The following NIPAL1 variants were observed in gnomAD, a reference collection of about 807,000 sequenced individuals.
NIPAL1 encodes magnesium transporter NIPA3.
A neutral mutation model predicts 37.7 loss-of-function variants in NIPAL1; 35 were observed. The ratio of observed to expected loss-of-function variants is 0.93; its 90% CI spans 0.71 to 1.23. NIPAL1 has a LOEUF of 1.23. NIPAL1 is among the 50% of genes most tolerant of loss of function. The pLI, the probability that NIPAL1 is intolerant of heterozygous loss-of-function variation, is 0.00. For missense variants in NIPAL1, 412 were observed against 473.9 expected, an observed-to-expected ratio of 0.87 and a Z score of 1.21; for synonymous variants, 162 against 183.0, an observed-to-expected ratio of 0.89 and a Z score of 0.93.
chr4:48,029,456 G>C (rs1304548268), intron 2 of NIPAL1, among the ~76,000 whole-genome samples: 1 of 152,086 alleles, frequency 6.6e-6, no homozygotes, highest in Non-Finnish European at 1.5e-5. Context: ...AGCAGGTGAG[G>C]GATGAAATAC....
chr4:48,019,306 C>A (rs2109364586), intron 1 of NIPAL1, among the ~76,000 whole-genome samples: 1 of 152,340 alleles, frequency 6.6e-6, no homozygotes, highest in East Asian at 1.9e-4. Flanking sequence ...AGCCATCCCC[C>A]ACCCCACATT....
At chr4:48,023,474 G>C (rs1715620606) in intron 1 of NIPAL1, among the ~76,000 whole-genome samples, 1 of 152,022 alleles carries the variant, frequency 6.6e-6, no homozygotes. Flanking sequence ...TAAGATTTTT[G>C]AAATGTAAAA....
At chr4:48,033,119 A>T (rs759818086) in intron 4 of NIPAL1, 36 bp downstream of exon 4, 9 of 1,280,356 alleles carry the variant, frequency 7.0e-6, no homozygotes, top group Non-Finnish European at 1.0e-5. Flanking sequence ...TTCTGTAGGT[A>T]TTTTAAGACC....
chr4:48,037,284 A>G lies in NIPAL1; in HGVS notation c.*1112A>G. 1 of 437,728 alleles carries G rather than the reference A, an allele frequency of 2.3e-6. No homozygotes were observed. The highest frequency in any genetic ancestry group is 1.6e-5 in the South Asian group (1 of 60,770). The allele number at this position is 437,728 out of a possible 1,614,324, so 27.1% of individuals were successfully genotyped here. Reference sequence around the variant, plus strand: ...ACACGTGATTGTTTTCACAGGTTCCATTAATTAACTCAGGTCTGGAAGACA... The same window carrying G: ...ACACGTGATTGTTTTCACAGGTTCCGTTAATTAACTCAGGTCTGGAAGACA... On this transcript the variant is annotated 3_prime_UTR_variant, in exon 6 of 6. Coordinates refer to ENST00000295461, the MANE Select transcript of NIPAL1 (RefSeq NM_207330.3).
Position 48,025,313 on chromosome 4 carries a change from AGC to A in NIPAL1, c.293_294del (p.Ser98LysfsTer5), listed in dbSNP as rs777394195. The A allele has an allele frequency of 1.9e-6, 3 of 1,614,148 alleles. No individual in the cohort carries two copies. The highest frequency in any genetic ancestry group is 2.5e-6 in the Non-Finnish European group (3 of 1,180,030). ...AAAGAAGGGCCTCTTGCAACTGGCC[AGC>A]AAGGGCTTTACTAGAGCTGGTAAGA... is the stretch of plus-strand genomic sequence containing the variant. ...LKKKGLLQLASKGFTRAGQGG... is the reference protein window; with the variant it reads ...LKKKGLLQLAXKGFTRAGQGG... On this transcript the variant is annotated frameshift_variant, in exon 2 of 6. Transcript: ENST00000295461. LOFTEE classifies it high-confidence loss of function.
intron 2 of NIPAL1, among the ~76,000 whole-genome samples, chr4:48,026,081 T>C (rs1004852034): frequency 6.6e-6 from 1 of 151,872 alleles, no homozygotes; most frequent in Admixed American, 6.6e-5. Flanking sequence ...TCCCTCACCG[T>C]ACCTAGGATA....
At position 48,035,852 on chromosome 4, in the gene NIPAL1, C is replaced by A; in HGVS notation, c.913C>A (p.Leu305Ile). The change falls in exon 6 of 6, where the codon CTT (leucine) becomes ATT (isoleucine). Residue 305 changes from leucine to isoleucine, a missense_variant. Physicochemically the swap from Leu to Ile is conservative, Grantham distance 5. Coordinates refer to ENST00000295461, the MANE Select transcript of NIPAL1 (RefSeq NM_207330.3). ...NKALDTFNTS[L>I]VTPIYYVFFT... is the part of the protein sequence containing the mutation. ...GGCACTGGACACCTTTAATACCTCT[C>A]TTGTGACACCCATTTATTATGTATT... The A allele has an allele frequency of 6.2e-7, 1 of 1,614,070 alleles. No individual in the cohort carries two copies. The highest frequency in any genetic ancestry group is 8.5e-7 in the Non-Finnish European group (1 of 1,179,918).
intron 2 of NIPAL1, among the ~76,000 whole-genome samples, chr4:48,029,029 A>G (rs1715760277): frequency 6.6e-6 from 1 of 152,202 alleles, no homozygotes; most frequent in Non-Finnish European, 1.5e-5. Context: ...AGAACTAAAA[A>G]TAGAACTGCC....
At position 48,034,968 on chromosome 4, in the gene NIPAL1, G is replaced by T. The variant is rs1715894530; in HGVS notation, c.549G>T (p.Val183=). ...TATTAAGTATATTGGGGTCAACTGT[G>T]ATGGTTATCCATGCCCCACAAGAAG... is the stretch of plus-strand genomic sequence containing the variant. ...GCILSILGST[V]MVIHAPQEEE... The change falls in exon 5 of 6, where the codon GTG becomes GTT. Residue 183 remains valine, a synonymous_variant. Coordinates refer to ENST00000295461, the MANE Select transcript of NIPAL1 (RefSeq NM_207330.3). 2 of 1,613,218 alleles carry T rather than the reference G, an allele frequency of 1.2e-6. No homozygotes were observed. Among genetic ancestry groups the T allele is most frequent in the Non-Finnish European group, 1.7e-6 (2 of 1,179,138 alleles).
At chr4:48,032,034 C>T (rs544156417) in intron 3 of NIPAL1, among the ~76,000 whole-genome samples, 1 of 152,248 alleles carries the variant, frequency 6.6e-6, no homozygotes, top group Non-Finnish European at 1.5e-5. Flanking sequence ...TCACCATGCC[C>T]GGCCTTGCCG....
intron 2 of NIPAL1, 59 bp from the exon 3 acceptor site, chr4:48,030,061 T>C: frequency 9.9e-7 from 1 of 1,008,268 alleles, no homozygotes; most frequent in Non-Finnish European, 1.6e-6. Flanking sequence ...AGTTAATTCT[T>C]CAAACCTTCC....
At chr4:48,020,860 G>A (rs555689873) in intron 1 of NIPAL1, among the ~76,000 whole-genome samples, 10 of 152,068 alleles carry the variant, frequency 6.6e-5, no homozygotes, top group South Asian at 4.2e-4. Context: ...AATATCTTGC[G>A]GTGATTAAAA....
chr4:48,017,744 G>A (rs950244979), intron 1 of NIPAL1, among the ~76,000 whole-genome samples: 1 of 152,114 alleles, frequency 6.6e-6, no homozygotes, highest in South Asian at 2.1e-4. Flanking sequence ...GGTTTTCGCC[G>A]TACCAAGGGG....
chr4:48,031,010 A>G lies in NIPAL1; in HGVS notation c.370+834A>G, dbSNP rs541151763. Among the ~76,000 whole-genome samples, 99 of 152,258 alleles carry G rather than the reference A, an allele frequency of 6.5e-4. 1 individual carries two copies. The South Asian group carries it at 0.012, about 19-fold the overall frequency. ...GATGATTAATAAAGAGAATTTAAATATGTATAGCCCCTTCAGTTCTTGTTT... is the reference window on the plus strand; with the variant it reads ...GATGATTAATAAAGAGAATTTAAATGTGTATAGCCCCTTCAGTTCTTGTTT... On this transcript the variant is annotated intron_variant, in intron 3 of 5. Transcript: ENST00000295461.
At chr4:48,019,522 G>A (rs78010071) in intron 1 of NIPAL1, among the ~76,000 whole-genome samples, 2,474 of 152,298 alleles carry the variant, frequency 0.016, 67 homozygotes, top group African/African-American at 0.057. Context: ...TCTCTGAGTT[G>A]CTTAGTCCTC....
intron 1 of NIPAL1, among the ~76,000 whole-genome samples, chr4:48,023,742 A>G (rs574410845): frequency 4.6e-5 from 7 of 152,252 alleles, no homozygotes; most frequent in East Asian, 1.9e-4. Context: ...ATAATAGTGG[A>G]CTTGGTTCAG....
At position 48,033,019 on chromosome 4, in the gene NIPAL1, G is replaced by T. The variant is rs1197164122; in HGVS notation, c.397G>T (p.Ala133Ser). The change falls in exon 4 of 6, where the codon GCT becomes TCT. Residue 133 changes from alanine (A) to serine (S), a missense_variant. Coordinates refer to ENST00000295461, the MANE Select transcript of NIPAL1 (RefSeq NM_207330.3). ...SMGAGEAANF[A>S]AYAFAPATLV... ...GGGAGCAGGAGAGGCTGCAAATTTT[G>T]CTGCTTATGCTTTTGCACCTGCCAC... 1 of 1,613,872 alleles carries T rather than the reference G, an allele frequency of 6.2e-7. No individual in the cohort carries two copies.
At chr4:48,021,977 C>T (rs918594955) in intron 1 of NIPAL1, among the ~76,000 whole-genome samples, 3 of 151,892 alleles carry the variant, frequency 2.0e-5, no homozygotes, top group African/African-American at 7.3e-5. Context: ...AGTACATGTT[C>T]GTGGCTAGCA....
chr4:48,025,982 A>G (rs958081614), intron 2 of NIPAL1, among the ~76,000 whole-genome samples: 13 of 152,056 alleles, frequency 8.5e-5, no homozygotes. Context: ...TGTGAGTAGC[A>G]TCACCTCAGA....
Sources: allele counts gnomAD v4.1 joint callset (sites outside exome capture counted in the v4.1 genomes callset), GRCh38; gene constraint gnomAD v4.1.1; transcripts MANE v1.5; gene names NCBI Gene and HGNC (gene_info 2026-07-23, HGNC 2026-07-21).